Variants in IKZF2 observed in about 807,000 individuals in gnomAD.
IKZF2 encodes the protein IKAROS family zinc finger 2.
IKZF2 carries 15 observed loss-of-function variants against 49.2 expected under a neutral mutation model. The ratio of observed to expected loss-of-function variants is 0.30; its 90% CI spans 0.20 to 0.47. IKZF2 has a LOEUF of 0.47. IKZF2 is among the 20% of genes least tolerant of loss of function. IKZF2 has a pLI of 1.00. For missense variants in IKZF2, 567 were observed against 664.6 expected (o/e 0.85, Z 1.61); for synonymous variants, 227 against 221.4 (o/e 1.03, Z -0.23).
At chr2:213,124,247 C>T (rs1310042832) in intron 4 of IKZF2, among the ~76,000 whole-genome samples, 9 of 103,802 alleles carry the variant, frequency 8.7e-5, no homozygotes, top group East Asian at 2.5e-4. Context: ...CGCTCGCGCG[C>T]GCGCGCACAC....
intron 4 of IKZF2, among the ~76,000 whole-genome samples, chr2:213,119,639 A>G (rs1217048433): frequency 1.3e-5 from 2 of 152,200 alleles, no homozygotes; most frequent in African/African-American, 4.8e-5. Context: ...GCACAGCTAC[A>G]GACATATCCA....
intron 6 of IKZF2, among the ~76,000 whole-genome samples, chr2:213,025,055 G>A (rs1037496278): frequency 1.7e-4 from 26 of 151,954 alleles, no homozygotes; most frequent in African/African-American, 6.3e-4. Flanking sequence ...TTTTTGAAAA[G>A]TCAGTGGTCT....
At chr2:213,081,669 C>G (rs62187852) in intron 4 of IKZF2, among the ~76,000 whole-genome samples, 1 of 152,052 alleles carries the variant, frequency 6.6e-6, no homozygotes, top group Non-Finnish European at 1.5e-5. Flanking sequence ...ATAACATGTG[C>G]GAATGCAATG....
chr2:213,085,015 T>A (rs1704412019), intron 4 of IKZF2, among the ~76,000 whole-genome samples: 1 of 152,214 alleles, frequency 6.6e-6, no homozygotes, highest in South Asian at 2.1e-4. Flanking sequence ...TCTATTACGC[T>A]GTACGCTATG....
At chr2:213,027,659 C>T (rs1350179412) in intron 6 of IKZF2, among the ~76,000 whole-genome samples, 5 of 152,098 alleles carry the variant, frequency 3.3e-5, no homozygotes, top group Admixed American at 6.6e-5. Context: ...CCCATGTTTT[C>T]CTCTTCGTTG....
chr2:213,072,970 T>G (rs1702869302), intron 4 of IKZF2, among the ~76,000 whole-genome samples: 1 of 152,138 alleles, frequency 6.6e-6, no homozygotes. Context: ...CCTTTTTCAT[T>G]CATTTAATAA....
intron 4 of IKZF2, among the ~76,000 whole-genome samples, chr2:213,126,682 A>G (rs561816872): frequency 8.5e-5 from 13 of 152,350 alleles, no homozygotes; most frequent in Admixed American, 6.5e-4. Flanking sequence ...GACTTGCAAT[A>G]GGTACGTCAT....
intron 4 of IKZF2, among the ~76,000 whole-genome samples, chr2:213,061,237 A>G (rs1451030603): frequency 1.3e-5 from 2 of 151,528 alleles, no homozygotes; most frequent in African/African-American, 4.8e-5. Context: ...CACAATAGTC[A>G]TTGCTTCCAG....
intron 7 of IKZF2, among the ~76,000 whole-genome samples, chr2:213,018,907 G>A (rs900200951): frequency 5.9e-5 from 9 of 152,146 alleles, no homozygotes; most frequent in Non-Finnish European, 1.3e-4. Context: ...CTTTTCCAGA[G>A]TTAGGTTAAT....
At chr2:213,045,380 G>A (rs12622499) in intron 6 of IKZF2, among the ~76,000 whole-genome samples, 80,576 of 152,018 alleles carry the variant, frequency 0.53, 21,993 homozygotes, top group East Asian at 0.76. Context: ...TTCTGTTTAA[G>A]GTAATTTGTA....
chr2:213,023,607 T>C (rs1309213683), intron 6 of IKZF2, among the ~76,000 whole-genome samples: 2 of 152,156 alleles, frequency 1.3e-5, no homozygotes, highest in African/African-American at 4.8e-5. Flanking sequence ...ATACTATAAA[T>C]AAATTTACAT....
chr2:213,120,439 T>C (rs1055490066), intron 4 of IKZF2, among the ~76,000 whole-genome samples: 3 of 152,174 alleles, frequency 2.0e-5, no homozygotes, highest in African/African-American at 7.2e-5. Context: ...TGAAAGAATA[T>C]GTTATATTCA....
chr2:213,055,601 G>C (rs1701068361), intron 5 of IKZF2, among the ~76,000 whole-genome samples: 1 of 151,986 alleles, frequency 6.6e-6, no homozygotes, highest in South Asian at 2.1e-4. Context: ...TTAGTTTACA[G>C]TCATACCTTA....
At chr2:213,051,762 T>C (rs575981376) in intron 5 of IKZF2, among the ~76,000 whole-genome samples, 1 of 152,006 alleles carries the variant, frequency 6.6e-6, no homozygotes, top group South Asian at 2.1e-4. Context: ...AAATAGCAAA[T>C]ATATATTATA....
rs1695058297 is a variant in IKZF2 at position 213,003,321 on chromosome 2, A to G, written c.*4039T>C. ...TAAAAATATGTCTAAGATAACTTTC[A>G]TATACACAAACTTCAATTTCACCTC... On this transcript the variant is annotated 3_prime_UTR_variant, in exon 9 of 9. Coordinates refer to ENST00000434687, the MANE Select transcript of IKZF2 (RefSeq NM_001387220.1). 1 of 152,066 alleles carries G rather than the reference A, an allele frequency of 6.6e-6. No individual in the cohort carries two copies. The highest frequency in any genetic ancestry group is 2.4e-5 in the African/African-American group (1 of 41,410). 9.4% of individuals were successfully genotyped at this position (152,066 alleles called of 1,614,324 possible). A position where few individuals can be genotyped will look rare whatever the true frequency, so the allele number is the denominator to read the frequency against.
At chr2:213,095,061 G>A (rs1705813608) in intron 4 of IKZF2, among the ~76,000 whole-genome samples, 1 of 152,000 alleles carries the variant, frequency 6.6e-6, no homozygotes, top group African/African-American at 2.4e-5. Flanking sequence ...CATCCATAAA[G>A]GCAACTAAAA....
chr2:213,059,130 G>C (rs893926707), intron 4 of IKZF2, among the ~76,000 whole-genome samples: 2 of 151,714 alleles, frequency 1.3e-5, no homozygotes, highest in African/African-American at 4.8e-5. Flanking sequence ...AGTGAAGTTA[G>C]ACATCTTTTT....
At chr2:213,041,410 C>G (rs1699638800) in intron 6 of IKZF2, among the ~76,000 whole-genome samples, 1 of 152,032 alleles carries the variant, frequency 6.6e-6, no homozygotes, top group Admixed American at 6.5e-5. Context: ...TCAAGCAATC[C>G]TCCTGCCTCA....
intron 6 of IKZF2, among the ~76,000 whole-genome samples, chr2:213,039,648 G>C (rs764633962): frequency 2.8e-4 from 42 of 152,044 alleles, no homozygotes; most frequent in Admixed American, 1.6e-3. Flanking sequence ...ACATTGTAAG[G>C]TTCCTCAAAT....
Sources: gnomAD v4.1 joint callset for allele counts (sites outside exome capture counted in the v4.1 genomes callset) on GRCh38, gnomAD v4.1.1 for gene constraint, MANE v1.5 for transcripts, NCBI Gene and HGNC (gene_info 2026-07-23, HGNC 2026-07-21) for gene names.